TMED3: variants seen among roughly 807,000 people sequenced by gnomAD.
TMED3 encodes the protein transmembrane p24 trafficking protein 3, also known as transmembrane emp24 domain-containing protein 3.
Under a neutral mutation model 15.0 loss-of-function variants are expected in TMED3, and 9 were observed. The observed-to-expected ratio is 0.60, with a 90% confidence interval of 0.36 to 1.04. The LOEUF (loss-of-function observed/expected upper bound fraction) is 1.04, where lower values mean the gene tolerates loss of function less well. Among genes scored for constraint, TMED3 ranks in the 50% least tolerant of loss-of-function variants. The probability of loss-of-function intolerance (pLI) is 0.01; values close to 1 mark genes in which losing one functional copy is unlikely to be tolerated. For missense variants in TMED3, 267 were observed against 278.9 expected, an observed-to-expected ratio of 0.96 and a Z score of 0.30; for synonymous variants, 117 against 121.4, an observed-to-expected ratio of 0.96 and a Z score of 0.24.
chr15:79,319,891 C>T lies in TMED3; in HGVS notation c.418-2087C>T, dbSNP rs941639109. On this transcript the variant is annotated intron_variant, in intron 2 of 2. Transcript: ENST00000299705. ...TAATTTGCTACTGCTATCTAAAAGC[C>T]CAGGTACACAGGATGGAACATGAAA... is the stretch of plus-strand genomic sequence containing the variant. Among the ~76,000 whole-genome samples, 4 of 152,160 alleles carry T rather than the reference C, an allele frequency of 2.6e-5. No individual in the cohort carries two copies. In the East Asian group the frequency reaches 7.7e-4, roughly 29 times the overall value.
At chr15:79,390,524 C>T (rs1216660785) in intron 2 of TMED3, among the ~76,000 whole-genome samples, 1 of 152,060 alleles carries the variant, frequency 6.6e-6, no homozygotes, top group Non-Finnish European at 1.5e-5. Flanking sequence ...CATCTATGTT[C>T]ATCAGGGATA....
chr15:79,346,937 A>G lies in TMED3; in HGVS notation c.417+32932A>G, dbSNP rs115152102. Among the ~76,000 whole-genome samples the G allele has an allele frequency of 3.7e-3, 559 of 152,286 alleles. 3 individuals carry two copies. Among genetic ancestry groups the G allele is most frequent in the African/African-American group, 0.013 (548 of 41,544 alleles). ...CAGGACCAGAAGTATTCCACAGCTG[A>G]ATTCTACCAGATGTACAAAGACGAT... On this transcript the variant is annotated intron_variant, in intron 2 of 2. Coordinates refer to the TMED3 transcript ENST00000424155.
intron 2 of TMED3, among the ~76,000 whole-genome samples, chr15:79,341,439 A>G (rs750217833): frequency 1.2e-4 from 18 of 152,132 alleles, no homozygotes; most frequent in Non-Finnish European, 2.5e-4. Flanking sequence ...AAAGATTGCC[A>G]TAATATACTA....
intron 2 of TMED3, among the ~76,000 whole-genome samples, chr15:79,408,032 A>G (rs1383121600): frequency 6.6e-6 from 1 of 152,216 alleles, no homozygotes; most frequent in Non-Finnish European, 1.5e-5. Context: ...AAGTCGTTGG[A>G]AAGATCAAAT....
intron 2 of TMED3, among the ~76,000 whole-genome samples, chr15:79,321,370 G>A (rs2058765841): frequency 1.3e-5 from 2 of 152,202 alleles, no homozygotes; most frequent in African/African-American, 4.8e-5. Context: ...ACACATGAGC[G>A]TATGTGTCTA....
chr15:79,384,555 A>G (rs1446676004), intron 2 of TMED3: 1 of 152,246 alleles, frequency 6.6e-6, no homozygotes, highest in Non-Finnish European at 1.5e-5. Context: ...CCCTGGCAGT[A>G]TAGCTGGTGG....
In TMED3 at chr15:79,401,188, A is replaced by C. The variant is rs188582557; in HGVS notation, c.418-10212A>C. 1.9e-3 allele frequency among the ~76,000 whole-genome samples: 289 copies of C among 152,350 alleles called. 1 individual carries two copies. The highest frequency in any genetic ancestry group is 6.6e-3 in the African/African-American group (276 of 41,584). Reference sequence around the variant, plus strand: ...ACAGAATAGGCACTCAATAAATACTAGTTGAAGGACTGCATGTATGATTGA... The same window carrying C: ...ACAGAATAGGCACTCAATAAATACTCGTTGAAGGACTGCATGTATGATTGA... On this transcript the variant is annotated intron_variant, in intron 2 of 2. Transcript: ENST00000424155.
chr15:79,400,475 G>T (rs1364294078), intron 2 of TMED3, among the ~76,000 whole-genome samples: 1 of 152,154 alleles, frequency 6.6e-6, no homozygotes, highest in African/African-American at 2.4e-5. Flanking sequence ...TGACGGCTTA[G>T]CACACAATAG....
intron 2 of TMED3, among the ~76,000 whole-genome samples, chr15:79,400,605 A>T (rs1893821771): frequency 6.6e-6 from 1 of 152,214 alleles, no homozygotes; most frequent in Non-Finnish European, 1.5e-5. Context: ...ACACCTACCT[A>T]AGAGACAGGA....
At chr15:79,400,299 T>C (rs980568502) in intron 2 of TMED3, among the ~76,000 whole-genome samples, 6 of 152,222 alleles carry the variant, frequency 3.9e-5, no homozygotes, top group Non-Finnish European at 5.9e-5. Context: ...TTCTTTGTCA[T>C]AGCACCTGTT....
At chr15:79,375,154 C>T (rs1893403141) in intron 2 of TMED3, among the ~76,000 whole-genome samples, 2 of 152,174 alleles carry the variant, frequency 1.3e-5, no homozygotes, top group Non-Finnish European at 2.9e-5. Context: ...CCCTCTGGCC[C>T]TTTAATCCTT....
At chr15:79,381,740 C>T (rs1396697310) in intron 2 of TMED3, among the ~76,000 whole-genome samples, 1 of 152,148 alleles carries the variant, frequency 6.6e-6, no homozygotes, top group Non-Finnish European at 1.5e-5. Flanking sequence ...GTTGCATTTG[C>T]CTGATTCTTT....
At chr15:79,318,293 A>T (rs901965308) in intron 2 of TMED3, among the ~76,000 whole-genome samples, 1 of 152,136 alleles carries the variant, frequency 6.6e-6, no homozygotes, top group Non-Finnish European at 1.5e-5. Flanking sequence ...TTTTCTTTAA[A>T]TTGGGAACTT....
Position 79,314,093 on chromosome 15 carries a change from TCATC to T in TMED3, c.417+95_417+98del, listed in dbSNP as rs541202725. 1.6e-4 allele frequency: 251 copies of T among 1,532,148 alleles called. 1 individual carries two copies. In the African/African-American group the frequency reaches 3.2e-3, roughly 19 times the overall value. The allele number at this position is 1,532,148 out of a possible 1,614,324, so 94.9% of individuals were successfully genotyped here. ...CTGTCTAGGCTGGTGGTGGGAGTCA[TCATC>T]CATCCAGCTCCCAGTCTGGAAGTCT... On this transcript the variant is annotated intron_variant, in intron 2 of 2. Transcript: ENST00000299705.
In TMED3 at chr15:79,313,997, C is replaced by A. The variant is rs772150988; in HGVS notation, c.409C>A (p.Leu137Ile). The part of the protein sequence containing the change: ...LPDMGNRVTA[L>I]TQMESACVTI... ...AGACATGGGGAACAGGGTCACAGCT[C>A]TCACCCAGGTGAGTGAACATTAGCA... is the stretch of plus-strand genomic sequence containing the variant. Residue 137 changes from leucine to isoleucine, a missense_variant, in exon 2 of 3, where the codon CTC becomes ATC. Around this residue, in one of 3 missense-constraint regions of TMED3, gnomAD observed 139 missense variants for 125.0 expected, o/e 1.11. Coordinates refer to ENST00000299705, the MANE Select transcript of TMED3 (RefSeq NM_007364.4). The A allele has an allele frequency of 2.3e-5, 37 of 1,614,198 alleles. 1 individual carries two copies. The highest frequency in any genetic ancestry group is 3.3e-5 in the Admixed American group (2 of 60,034).
chr15:79,350,069 T>TA (rs2058886109), intron 2 of TMED3, among the ~76,000 whole-genome samples: 1 of 152,186 alleles, frequency 6.6e-6, no homozygotes, highest in Non-Finnish European at 1.5e-5. Flanking sequence ...TTTGTGGCTG[T>TA]ATCCCAGTGC....
At chr15:79,320,148 C>T (rs1477804430) in intron 2 of TMED3, among the ~76,000 whole-genome samples, 1 of 152,202 alleles carries the variant, frequency 6.6e-6, no homozygotes, top group Non-Finnish European at 1.5e-5. Flanking sequence ...TGGCAATGGG[C>T]GTCTTCCCAG....
chr15:79,370,839 G>T (rs8035548), intron 2 of TMED3, among the ~76,000 whole-genome samples: 16,791 of 152,162 alleles, frequency 0.11, 995 homozygotes, highest in Admixed American at 0.13. Flanking sequence ...ATTCGCTGAG[G>T]ATCTTCTGCT....
At chr15:79,361,483 T>C (rs1246047288) in intron 2 of TMED3, among the ~76,000 whole-genome samples, 1 of 152,180 alleles carries the variant, frequency 6.6e-6, no homozygotes, top group Non-Finnish European at 1.5e-5. Context: ...ACGTCATATG[T>C]TCTCACTTAT....
Sources: allele counts gnomAD v4.1 joint callset (sites outside exome capture counted in the v4.1 genomes callset), GRCh38; gene constraint gnomAD v4.1.1; regional missense constraint gnomAD v4.1.1; transcripts MANE v1.5; gene names NCBI Gene and HGNC (gene_info 2026-07-23, HGNC 2026-07-21).